Variants in PTPRD observed in about 807,000 individuals in gnomAD.
PTPRD encodes receptor-type tyrosine-protein phosphatase delta.
In PTPRD, 34 loss-of-function variants were observed where a neutral mutation model predicts 214.5. That is an observed-to-expected ratio of 0.16 (90% CI 0.12 to 0.21). The LOEUF is 0.21. Among genes scored for constraint, PTPRD ranks in the 10% least tolerant of loss-of-function variants. The pLI is 1.00. For missense variants in PTPRD, 2,545 were observed against 2,398.7 expected (o/e 1.06, Z -1.27); for synonymous variants, 1,128 against 845.7 (o/e 1.33, Z -5.79).
At chr9:10,140,205 G>C (rs923079917) in intron 3 of PTPRD, among the ~76,000 whole-genome samples, 2 of 151,682 alleles carry the variant, frequency 1.3e-5, no homozygotes, top group African/African-American at 4.8e-5. Flanking sequence ...CCAATATCCA[G>C]AATCTATAAG....
At chr9:9,299,631 C>T (rs1954488142) in intron 9 of PTPRD, among the ~76,000 whole-genome samples, 1 of 151,786 alleles carries the variant, frequency 6.6e-6, no homozygotes, top group African/African-American at 2.4e-5. Context: ...CATCCATACA[C>T]ATCTTAATGA....
intron 12 of PTPRD, among the ~76,000 whole-genome samples, chr9:8,696,942 A>G (rs2097922932): frequency 6.6e-6 from 1 of 151,678 alleles, no homozygotes; most frequent in Non-Finnish European, 1.5e-5. Flanking sequence ...GAACTTTCCA[A>G]TAACGGTTTC....
chr9:9,962,558 C>T (rs1472614708), intron 4 of PTPRD, among the ~76,000 whole-genome samples: 1 of 152,032 alleles, frequency 6.6e-6, no homozygotes, highest in Non-Finnish European at 1.5e-5. Context: ...AGAAAATTGC[C>T]TCTGTAAACT....
intron 9 of PTPRD, among the ~76,000 whole-genome samples, chr9:9,392,203 T>A (rs2066082064): frequency 6.6e-6 from 1 of 152,174 alleles, no homozygotes; most frequent in Admixed American, 6.6e-5. Context: ...TACAGTAATC[T>A]GGGCACATTG....
intron 11 of PTPRD, among the ~76,000 whole-genome samples, chr9:8,932,998 T>C (rs1305846624): frequency 6.6e-6 from 1 of 152,054 alleles, no homozygotes; most frequent in Non-Finnish European, 1.5e-5. Context: ...CCTGGTGGTG[T>C]AGGCACCAGA....
intron 37 of PTPRD, among the ~76,000 whole-genome samples, chr9:8,381,505 A>C (rs2085074152): frequency 6.6e-6 from 1 of 152,140 alleles, no homozygotes; most frequent in Admixed American, 6.5e-5. Context: ...TCTATTCCCA[A>C]CTGGCAGTCA....
chr9:9,538,264 A>G (rs558691674), intron 8 of PTPRD, among the ~76,000 whole-genome samples: 20 of 152,112 alleles, frequency 1.3e-4, no homozygotes, highest in African/African-American at 4.8e-4. Context: ...TTGATAAAAA[A>G]TAATTTTAGT....
At chr9:8,835,288 A>G (rs1039733474) in intron 11 of PTPRD, among the ~76,000 whole-genome samples, 1 of 152,212 alleles carries the variant, frequency 6.6e-6, no homozygotes, top group African/African-American at 2.4e-5. Context: ...AGAGAATGGG[A>G]TATGTCTAGA....
intron 3 of PTPRD, among the ~76,000 whole-genome samples, chr9:10,264,220 G>A (rs2475342): frequency 1.3e-5 from 2 of 152,002 alleles, no homozygotes; most frequent in African/African-American, 2.4e-5. Flanking sequence ...CCACTGGGGC[G>A]CTGCCTAGTG....
intron 10 of PTPRD, among the ~76,000 whole-genome samples, chr9:9,022,802 A>G (rs747153902): frequency 5.3e-5 from 8 of 152,208 alleles, no homozygotes; most frequent in Non-Finnish European, 1.2e-4. Flanking sequence ...TAGCTGCAAA[A>G]TCTATATTGG....
At chr9:9,667,440 G>T (rs76805355) in intron 7 of PTPRD, among the ~76,000 whole-genome samples, 7 of 152,176 alleles carry the variant, frequency 4.6e-5, no homozygotes, top group African/African-American at 1.4e-4. Flanking sequence ...ATCAGTCACT[G>T]GTTTGCCCGA....
chr9:9,995,130 GC>G (rs2096075770), intron 4 of PTPRD, among the ~76,000 whole-genome samples: 1 of 151,904 alleles, frequency 6.6e-6, no homozygotes, highest in Non-Finnish European at 1.5e-5. Flanking sequence ...TATTATTCTG[GC>G]TACTTTTTGC....
At chr9:10,284,317 T>A (rs1428255487) in intron 3 of PTPRD, among the ~76,000 whole-genome samples, 1 of 152,196 alleles carries the variant, frequency 6.6e-6, no homozygotes, top group East Asian at 1.9e-4. Flanking sequence ...GATTAAACAC[T>A]ATTGAAGCCA....
At chr9:10,374,897 C>T (rs2097697970) in intron 2 of PTPRD, among the ~76,000 whole-genome samples, 1 of 151,856 alleles carries the variant, frequency 6.6e-6, no homozygotes, top group African/African-American at 2.4e-5. Context: ...GAAAATTCAC[C>T]CTATGCTCAA....
At chr9:10,012,169 G>C (rs2096614070) in intron 4 of PTPRD, among the ~76,000 whole-genome samples, 1 of 151,754 alleles carries the variant, frequency 6.6e-6, no homozygotes, top group Non-Finnish European at 1.5e-5. Flanking sequence ...TATACAAATG[G>C]AACTTTGCAA....
chr9:9,995,795 C>T (rs2096100874), intron 4 of PTPRD, among the ~76,000 whole-genome samples: 1 of 152,028 alleles, frequency 6.6e-6, no homozygotes, highest in African/African-American at 2.4e-5. Flanking sequence ...CTTTTCTGCC[C>T]CCAGATTATA....
chr9:9,903,340 C>T (rs1337310047), intron 5 of PTPRD, among the ~76,000 whole-genome samples: 1 of 152,106 alleles, frequency 6.6e-6, no homozygotes, highest in Non-Finnish European at 1.5e-5. Context: ...ACCATTAGCA[C>T]TCTAACAAAA....
At chr9:10,575,668 C>G (rs1481575807) in intron 2 of PTPRD, among the ~76,000 whole-genome samples, 3 of 152,076 alleles carry the variant, frequency 2.0e-5, no homozygotes, top group African/African-American at 7.2e-5. Context: ...ATGGTGATTA[C>G]AAACCTTATT....
At position 8,376,729 on chromosome 9, in the gene PTPRD, A is replaced by G. The variant is rs1257329634; in HGVS notation, c.4387-3T>C. The G allele has an allele frequency of 6.8e-6, 11 of 1,612,598 alleles. No homozygotes were observed. The highest frequency in any genetic ancestry group is 3.3e-4 in the Middle Eastern group (2 of 6,048). On this transcript the variant is annotated splice_region_variant and splice_polypyrimidine_tract_variant and intron_variant, in intron 37 of 45. Coordinates refer to ENST00000381196, the MANE Select transcript of PTPRD (RefSeq NM_002839.4). ...GGCCAATACTGGTCACACTTCACCT[A>G]CAAGAAACAAGTGACACATTCAGGG...
Sources: allele counts gnomAD v4.1 joint callset (sites outside exome capture counted in the v4.1 genomes callset), GRCh38; gene constraint gnomAD v4.1.1; transcripts MANE v1.5; gene names NCBI Gene and HGNC (gene_info 2026-07-23, HGNC 2026-07-21).